RAC1: variants seen among roughly 807,000 people sequenced by gnomAD.
RAC1 encodes the protein Rac family small GTPase 1.
RAC1 carries 2 observed loss-of-function variants against 25.2 expected under a neutral mutation model. The observed-to-expected ratio is 0.08, with a 90% CI of 0.03 to 0.25. RAC1 has a LOEUF of 0.25. Ranked by LOEUF, RAC1 falls within the 10% of genes least tolerant of loss-of-function variation. RAC1 has a pLI of 1.00. For missense variants in RAC1, 50 were observed against 235.7 expected (o/e 0.21, Z 5.16); for synonymous variants, 88 against 94.0 (o/e 0.94, Z 0.37).
chr7:6,400,279 A>C, intron 4 of RAC1, 91 bp downstream of exon 4: 2 of 1,307,594 alleles, frequency 1.5e-6, no homozygotes, highest in Non-Finnish European at 2.2e-6. Flanking sequence ...AGGAATTTTT[A>C]GTTATTTAAA....
intron 4 of RAC1, among the ~76,000 whole-genome samples, chr7:6,400,761 C>T (rs539478224): frequency 6.6e-6 from 1 of 152,012 alleles, no homozygotes; most frequent in Non-Finnish European, 1.5e-5. Context: ...CTGCAACTTC[C>T]GCCTCCTGGG....
Position 6,385,853 on chromosome 7 carries a change from A to C in RAC1, c.36-1359A>C, listed in dbSNP as rs576412986. On this transcript the variant is annotated intron_variant, in intron 1 of 5. Transcript: ENST00000348035. ...TGTGACCTTGGTAAACTGACAGCAC[A>C]GCAGAGAGAAGGGCTCATTAAGGAG... 4.6e-5 allele frequency among the ~76,000 whole-genome samples: 7 copies of C among 152,366 alleles called. No individual in the cohort carries two copies. The South Asian group carries it at 1.2e-3, about 27-fold the overall frequency.
At chr7:6,382,195 G>C (rs1390356096) in intron 1 of RAC1, among the ~76,000 whole-genome samples, 1 of 152,088 alleles carries the variant, frequency 6.6e-6, no homozygotes, top group African/African-American at 2.4e-5. Context: ...CAGTTTCGCT[G>C]TGTTGGTCAG....
At chr7:6,397,364 G>A (rs1189600231) in intron 3 of RAC1, among the ~76,000 whole-genome samples, 4 of 151,682 alleles carry the variant, frequency 2.6e-5, no homozygotes, top group Non-Finnish European at 5.9e-5. Flanking sequence ...TCACAATCTC[G>A]CCTCACTGCA....
chr7:6,391,104 G>C (rs1783079730), intron 2 of RAC1, among the ~76,000 whole-genome samples: 1 of 152,226 alleles, frequency 6.6e-6, no homozygotes, highest in Middle Eastern at 3.4e-3. Flanking sequence ...CGTCATGTTG[G>C]CCAGGCTGGT....
intron 1 of RAC1, 127 bp from the exon 2 acceptor site, chr7:6,387,085 T>C (rs1360821598): frequency 5.0e-6 from 3 of 600,426 alleles, no homozygotes; most frequent in Non-Finnish European, 8.7e-6. Context: ...AGAAAACATT[T>C]TCTTTAATGC....
chr7:6,375,332 C>T (rs369503830), intron 1 of RAC1, among the ~76,000 whole-genome samples: 16 of 152,152 alleles, frequency 1.1e-4, no homozygotes, highest in African/African-American at 3.1e-4. Flanking sequence ...TCAAGCAATC[C>T]TCCCATCCCA....
chr7:6,389,917 G>A (rs1163177563), intron 2 of RAC1, among the ~76,000 whole-genome samples: 1 of 151,396 alleles, frequency 6.6e-6, no homozygotes, highest in Non-Finnish European at 1.5e-5. Flanking sequence ...CTTACTGATG[G>A]AACATTTCCT....
chr7:6,381,000 C>T (rs1405744255), intron 1 of RAC1, among the ~76,000 whole-genome samples: 2 of 152,072 alleles, frequency 1.3e-5, no homozygotes, highest in Non-Finnish European at 2.9e-5. Context: ...TCCTGAGTAG[C>T]TGGGCTTACA....
intron 1 of RAC1, among the ~76,000 whole-genome samples, chr7:6,380,365 A>C (rs1195643563): frequency 7.7e-6 from 1 of 130,608 alleles, no homozygotes; most frequent in Non-Finnish European, 1.6e-5. Flanking sequence ...ATAAGCCAAA[A>C]AAATTATACA....
At chr7:6,394,217 C>G (rs146976079) in intron 3 of RAC1, among the ~76,000 whole-genome samples, 57 of 152,308 alleles carry the variant, frequency 3.7e-4, no homozygotes, top group African/African-American at 1.3e-3. Flanking sequence ...TATTGGGCAG[C>G]TCTGTCGGGC....
chr7:6,384,085 G>C (rs772551129), intron 1 of RAC1, among the ~76,000 whole-genome samples: 49 of 151,772 alleles, frequency 3.2e-4, no homozygotes, highest in Non-Finnish European at 6.2e-4. Context: ...GTGAGCCACC[G>C]AGCCCAGCCA....
In RAC1 at chr7:6,403,419, A is replaced by AC. The variant is rs1783477066; in HGVS notation, c.*977dup. ...ACTTAGTAAGTGCTTTTCTTATAGA[A>AC]CCCCTTCTGACTGAGCAATATGCCT... On this transcript the variant is annotated 3_prime_UTR_variant, in exon 6 of 6. Coordinates refer to ENST00000348035, the MANE Select transcript of RAC1 (RefSeq NM_006908.5). The AC allele has an allele frequency of 4.7e-6, 1 of 213,798 alleles. No homozygotes were observed. Among genetic ancestry groups the AC allele is most frequent in the African/African-American group, 2.3e-5 (1 of 44,142 alleles). 13.2% of individuals were successfully genotyped at this position (213,798 alleles called of 1,614,324 possible). A position where few individuals can be genotyped will look rare whatever the true frequency, so the allele number is the denominator to read the frequency against.
chr7:6,388,307 T>G (rs1782980872), intron 2 of RAC1, among the ~76,000 whole-genome samples: 1 of 151,252 alleles, frequency 6.6e-6, no homozygotes, highest in African/African-American at 2.4e-5. Context: ...CTCTCTGAAG[T>G]GTCGTACCCA....
chr7:6,401,750 T>G, intron 4 of RAC1, 118 bp from the exon 5 acceptor site: 1 of 1,032,576 alleles, frequency 9.7e-7, no homozygotes, highest in Non-Finnish European at 1.4e-6. Context: ...GAAGCCTCCG[T>G]GGGGAGGCCT....
At chr7:6,399,467 G>C (rs1270852738) in intron 3 of RAC1, among the ~76,000 whole-genome samples, 1 of 152,254 alleles carries the variant, frequency 6.6e-6, no homozygotes, top group Non-Finnish European at 1.5e-5. Context: ...TGTTTGGCGT[G>C]TGCCCCGAAG....
chr7:6,375,975 A>C (rs1024539316), intron 1 of RAC1: 1 of 152,070 alleles, frequency 6.6e-6, no homozygotes, highest in African/African-American at 2.4e-5. Flanking sequence ...CAACTGGTAC[A>C]TGTTGCAGTA....
At chr7:6,376,158 G>GT (rs34420518) in intron 1 of RAC1, among the ~76,000 whole-genome samples, 23,030 of 138,328 alleles carry the variant, frequency 0.17, 2,319 homozygotes, top group East Asian at 0.24. Context: ...GAGTATTAGA[G>GT]TATGTAGGCT....
chr7:6,380,151 C>T lies in RAC1; in HGVS notation c.35+5381C>T, dbSNP rs115238752. Among the ~76,000 whole-genome samples, 1,347 of 152,304 alleles carry T rather than the reference C, an allele frequency of 8.8e-3. 22 individuals are homozygous for T. Among genetic ancestry groups the T allele is most frequent in the African/African-American group, 0.031 (1,292 of 41,568 alleles). On this transcript the variant is annotated intron_variant, in intron 1 of 5. Transcript: ENST00000348035. The stretch of plus-strand genomic sequence containing the variant: ...GAACATTCTTTACATTTATTCTTTA[C>T]TTCTGTTGAACGGTGGTGGCGTGAA...
Sources: gnomAD v4.1 joint callset for allele counts (sites outside exome capture counted in the v4.1 genomes callset) on GRCh38, gnomAD v4.1.1 for gene constraint, MANE v1.5 for transcripts, NCBI Gene and HGNC (gene_info 2026-07-23, HGNC 2026-07-21) for gene names.